The following ATAD2B variants were observed in gnomAD, a reference collection of about 807,000 sequenced individuals.
The protein encoded by ATAD2B is ATPase family AAA domain-containing protein 2B.
A neutral mutation model predicts 167.6 loss-of-function variants in ATAD2B; 40 were observed. The observed-to-expected ratio is 0.24, with a 90% confidence interval of 0.19 to 0.31. The LOEUF is 0.31. ATAD2B is among the 10% of genes least tolerant of loss of function. The pLI is 1.00. For synonymous variants in ATAD2B, 579 were observed against 596.5 expected (o/e 0.97, Z 0.43); for missense variants, 1,242 against 1,757.2 (o/e 0.71, Z 5.24).
intron 8 of ATAD2B, chr2:23,872,184 T>A: frequency 3.3e-6 from 1 of 300,402 alleles, no homozygotes; most frequent in Non-Finnish European, 6.5e-6. Context: ...CCTGTTTCTG[T>A]TTTTATTTTT....
chr2:23,696,420 T>C, the ATAD2B span: 10 of 1,551,040 alleles, frequency 6.4e-6, no homozygotes, highest in Non-Finnish European at 7.8e-6. The surrounding 1 kb of genome is among the most constrained non-coding windows in gnomAD (Gnocchi z 5.5). Flanking sequence ...AGAATGACAG[T>C]CCCCCGCTGT....
chr2:23,793,329 C>A (rs1682109783), intron 19 of ATAD2B, among the ~76,000 whole-genome samples: 1 of 152,152 alleles, frequency 6.6e-6, no homozygotes, highest in South Asian at 2.1e-4. Context: ...AAAGCAGATA[C>A]TGTGAATGTC....
the ATAD2B span, chr2:23,691,941 A>C: frequency 6.8e-7 from 1 of 1,468,340 alleles, no homozygotes; most frequent in Non-Finnish European, 9.2e-7. Context: ...AACTCCATAA[A>C]CAGCAAGGAC....
the ATAD2B span, among the ~76,000 whole-genome samples, chr2:23,709,730 A>C: frequency 6.6e-6 from 1 of 152,162 alleles, no homozygotes. Context: ...TGAGTGGACC[A>C]TACTCTTGTC....
intron 1 of ATAD2B, among the ~76,000 whole-genome samples, chr2:23,919,822 GCAA>G (rs1460669527): frequency 4.1e-5 from 6 of 145,988 alleles, no homozygotes; most frequent in Non-Finnish European, 9.0e-5. Flanking sequence ...TCCAGCCTGG[GCAA>G]CAAGAGGGAA....
chr2:23,740,549 T>C, the ATAD2B span, among the ~76,000 whole-genome samples: 8 of 152,106 alleles, frequency 5.3e-5, no homozygotes, highest in South Asian at 1.7e-3. Flanking sequence ...ATGGGACGTA[T>C]CTCAAAATAA....
chr2:23,829,011 T>C (rs1688647625), intron 14 of ATAD2B, 72 bp from the exon 15 acceptor site: 1 of 1,001,200 alleles, frequency 1.0e-6, no homozygotes, highest in Non-Finnish European at 1.5e-6. Context: ...TATCAATCCC[T>C]CAAATACGTT....
At chr2:23,747,927 C>G (rs1450132479), downstream of ATAD2B, among the ~76,000 whole-genome samples, 2 of 152,050 alleles carry the variant, frequency 1.3e-5, no homozygotes, top group East Asian at 3.8e-4. Flanking sequence ...AAAACTTCAT[C>G]TCCAGAATCC....
In ATAD2B at chr2:23,926,844, C is replaced by T. The variant is rs1281243344; in HGVS notation, c.-74G>A. On this transcript the variant is annotated 5_prime_UTR_variant, in exon 1 of 28. Transcript: ENST00000238789. ...AAGGCCGGCCCGCCGGCCGGTCAGT[C>T]AGGGCCAGCGGAGCCGAGCCGGGCA... 3.5e-6 allele frequency: 5 copies of T among 1,442,434 alleles called. No individual in the cohort carries two copies. The highest frequency in any genetic ancestry group is 4.6e-6 in the Non-Finnish European group (5 of 1,097,822). 89.4% of individuals were successfully genotyped at this position (1,442,434 alleles called of 1,614,324 possible).
intron 18 of ATAD2B, among the ~76,000 whole-genome samples, chr2:23,808,124 T>TATATAATTAATTATATATATAATTA (rs1558570147): frequency 1.1e-4 from 2 of 17,568 alleles, no homozygotes; most frequent in African/African-American, 3.7e-4. Flanking sequence ...TATATAATTA[T>TATATAATTAATTATATATATAATTA]TATATATAAG....
intron 1 of ATAD2B, among the ~76,000 whole-genome samples, chr2:23,905,110 T>G (rs367687552): frequency 6.6e-6 from 1 of 152,096 alleles, no homozygotes; most frequent in Non-Finnish European, 1.5e-5. Context: ...ATTAAAAAAG[T>G]CTATAATAAT....
At chr2:23,916,154 G>C (rs1164915328) in intron 1 of ATAD2B, among the ~76,000 whole-genome samples, 3 of 152,140 alleles carry the variant, frequency 2.0e-5, no homozygotes, top group Non-Finnish European at 4.4e-5. Context: ...AAAATCCAAA[G>C]AGTCAGTATT....
At chr2:23,735,395 C>T in the ATAD2B span, among the ~76,000 whole-genome samples, 1 of 152,208 alleles carries the variant, frequency 6.6e-6, no homozygotes, top group African/African-American at 2.4e-5. Flanking sequence ...TCACTAATAA[C>T]TTCCATATCA....
At chr2:23,763,911 T>G (rs947112432) in intron 23 of ATAD2B, among the ~76,000 whole-genome samples, 3 of 152,190 alleles carry the variant, frequency 2.0e-5, no homozygotes, top group Non-Finnish European at 4.4e-5. Context: ...TTGAAGTTCG[T>G]CCATGTTGTA....
chr2:23,903,975 G>T (rs1337495490), intron 1 of ATAD2B, among the ~76,000 whole-genome samples: 1 of 152,220 alleles, frequency 6.6e-6, no homozygotes, highest in Middle Eastern at 3.4e-3. Flanking sequence ...GGTGATGGTG[G>T]TGTGGGGAGC....
the ATAD2B span, chr2:23,696,230 C>T: frequency 6.7e-7 from 1 of 1,489,744 alleles, no homozygotes; most frequent in Non-Finnish European, 9.1e-7. This position sits in a 1 kb window ranked among gnomAD's most constrained non-coding sequence, Gnocchi z 5.5. Flanking sequence ...CCAGAAGTGT[C>T]TACTTTGCAG....
chr2:23,764,029 C>T (rs568797113), intron 23 of ATAD2B, among the ~76,000 whole-genome samples: 19 of 152,250 alleles, frequency 1.2e-4, no homozygotes, highest in Admixed American at 1.1e-3. Flanking sequence ...TGGGTTGTTT[C>T]CAGTTTGTGG....
chr2:23,890,798 A>G (rs926384097), intron 2 of ATAD2B, among the ~76,000 whole-genome samples: 4 of 152,196 alleles, frequency 2.6e-5, no homozygotes, highest in African/African-American at 9.6e-5. Context: ...GGAAAAAAGC[A>G]CAATAAGCTT....
chr2:23,757,442 T>C lies in ATAD2B; in HGVS notation c.4054A>G (p.Lys1352Glu). Residue 1352 changes from lysine to glutamate, a missense_variant, in exon 25 of 28, where the codon AAA (lysine) becomes GAA (glutamate). Coordinates refer to ENST00000238789, the MANE Select transcript of ATAD2B (RefSeq NM_017552.4). ...KLEPGSDVEV[K>E]DAELDKEGAS... ...CCTTCTTTATCCAGTTCTGCATCTTTAACCTCCACATCAGAGCCAGGTTCT... is the reference window on the plus strand; with the variant it reads ...CCTTCTTTATCCAGTTCTGCATCTTCAACCTCCACATCAGAGCCAGGTTCT... 2.0e-6 allele frequency: 3 copies of C among 1,509,098 alleles called. No individual in the cohort carries two copies. Among genetic ancestry groups the C allele is most frequent in the Non-Finnish European group, 2.6e-6 (3 of 1,133,632 alleles). The allele number at this position is 1,509,098 out of a possible 1,614,324, so 93.5% of individuals were successfully genotyped here. A position where few individuals can be genotyped will look rare whatever the true frequency, so the allele number is the denominator to read the frequency against.
Sources: gnomAD v4.1 joint callset for allele counts (sites outside exome capture counted in the v4.1 genomes callset) on GRCh38, gnomAD v4.1.1 for gene constraint, Gnocchi (gnomAD v3.1) non-coding constraint, MANE v1.5 for transcripts, NCBI Gene and HGNC (gene_info 2026-07-23, HGNC 2026-07-21) for gene names.